KCNS3: variants seen among roughly 807,000 people sequenced by gnomAD.
The protein encoded by KCNS3 is delayed-rectifier potassium channel regulatory subunit KCNS3.
Under a neutral mutation model 31.0 loss-of-function variants are expected in KCNS3, and 13 were observed. The observed-to-expected ratio is 0.42, with a 90% CI of 0.27 to 0.67. The LOEUF is 0.67. Ranked by LOEUF, KCNS3 falls within the 30% of genes least tolerant of loss-of-function variation. KCNS3 has a pLI of 0.25. For synonymous variants in KCNS3, 238 were observed against 241.5 expected, an observed-to-expected ratio of 0.99 and a Z score of 0.13; for missense variants, 545 against 622.4, an observed-to-expected ratio of 0.88 and a Z score of 1.32.
intron 1 of KCNS3, among the ~76,000 whole-genome samples, chr2:17,895,122 A>G (rs772104621): frequency 6.6e-6 from 1 of 152,184 alleles, no homozygotes; most frequent in Non-Finnish European, 1.5e-5. Flanking sequence ...ATGTTTGTGA[A>G]GCATAAACAC....
At chr2:17,908,959 C>A (rs919369269) in intron 1 of KCNS3, among the ~76,000 whole-genome samples, 6 of 152,208 alleles carry the variant, frequency 3.9e-5, no homozygotes, top group Non-Finnish European at 8.8e-5. Context: ...AAACTCTGTA[C>A]TGGGAGAACC....
At chr2:17,923,989 C>T (rs115121136) in intron 2 of KCNS3, among the ~76,000 whole-genome samples, 2,327 of 151,936 alleles carry the variant, frequency 0.015, 40 homozygotes, top group Middle Eastern at 0.059. Context: ...TCTTTCAATC[C>T]GTGAACATTG....
At chr2:17,905,749 A>T (rs569025518) in intron 1 of KCNS3, among the ~76,000 whole-genome samples, 2 of 152,256 alleles carry the variant, frequency 1.3e-5, no homozygotes, top group East Asian at 1.9e-4. Context: ...TTCTGTTTAT[A>T]TGCTGGATTA....
chr2:17,905,445 C>A (rs917454221), intron 1 of KCNS3, among the ~76,000 whole-genome samples: 215 of 141,752 alleles, frequency 1.5e-3, no homozygotes, highest in African/African-American at 3.0e-3. Flanking sequence ...AATTGAATAC[C>A]CTTTATTTCT....
Position 17,931,586 on chromosome 2 carries a change from G to A in KCNS3, c.578G>A (p.Ser193Asn), listed in dbSNP as rs751345637. 6.2e-7 allele frequency: 1 copy of A among 1,614,176 alleles called. No homozygotes were observed. The change falls in exon 3 of 3, where the codon AGC becomes AAC. Residue 193 changes from serine (S) to asparagine (N), a missense_variant. Coordinates refer to ENST00000304101, the MANE Select transcript of KCNS3 (RefSeq NM_002252.5). The surrounding 1 kb of genome is among the most constrained non-coding windows in gnomAD (Gnocchi z 5.4). ...AAGCTTATCGCTATCTCCTCCTTGA[G>A]CGTGGTGCTGGCCTCCATCGTGGCC... Reference protein sequence around the residue: ...SAKLIAISSLSVVLASIVAMC... With the variant: ...SAKLIAISSLNVVLASIVAMC...
intron 1 of KCNS3, among the ~76,000 whole-genome samples, chr2:17,882,954 G>A (rs137957115): frequency 6.6e-6 from 1 of 152,262 alleles, no homozygotes; most frequent in Non-Finnish European, 1.5e-5. Context: ...AGGCTAGGTT[G>A]TGGTATTTTT....
At chr2:17,880,749 G>C (rs1674626204) in intron 1 of KCNS3, among the ~76,000 whole-genome samples, 1 of 152,220 alleles carries the variant, frequency 6.6e-6, no homozygotes, top group African/African-American at 2.4e-5. Context: ...TCTGGAGCTT[G>C]AGTTTGCCAG....
intron 2 of KCNS3, among the ~76,000 whole-genome samples, chr2:17,929,082 T>G (rs1662898002): frequency 6.6e-6 from 1 of 152,204 alleles, no homozygotes; most frequent in African/African-American, 2.4e-5. Flanking sequence ...GTCTACTTGT[T>G]GATTAAGACC....
chr2:17,913,838 G>T (rs1249001891), intron 1 of KCNS3, among the ~76,000 whole-genome samples: 1 of 152,002 alleles, frequency 6.6e-6, no homozygotes, highest in African/African-American at 2.4e-5. Context: ...GTGATGGGTG[G>T]GTGGTGTACA....
At chr2:17,902,926 C>T (rs912296239) in intron 1 of KCNS3, among the ~76,000 whole-genome samples, 2 of 152,148 alleles carry the variant, frequency 1.3e-5, no homozygotes, top group Non-Finnish European at 2.9e-5. Context: ...TTGATCCAGC[C>T]AATAACTTGT....
In KCNS3 at chr2:17,932,040, C is replaced by T. The variant is rs562414979; in HGVS notation, c.1032C>T (p.Ser344=). 115 of 1,614,156 alleles carry T rather than the reference C, an allele frequency of 7.1e-5. 1 individual carries two copies. The South Asian group carries it at 9.0e-4, about 13-fold the overall frequency. ...GISIFSVLIY[S]VEKDDHTSSL... Reference sequence around the variant, plus strand: ...CCATTTTCTCTGTGCTTATCTACTCCGTGGAGAAAGATGACCACACATCCA... The same window carrying T: ...CCATTTTCTCTGTGCTTATCTACTCTGTGGAGAAAGATGACCACACATCCA... The change falls in exon 3 of 3, where the codon TCC becomes TCT. Residue 344 remains serine (S), a synonymous_variant. Coordinates refer to ENST00000304101, the MANE Select transcript of KCNS3 (RefSeq NM_002252.5).
chr2:17,909,783 A>G (rs1419595057), intron 1 of KCNS3, among the ~76,000 whole-genome samples: 1 of 152,206 alleles, frequency 6.6e-6, no homozygotes, highest in Non-Finnish European at 1.5e-5. Context: ...ACTTGGCATG[A>G]TAAGCATTAG....
intron 1 of KCNS3, among the ~76,000 whole-genome samples, chr2:17,904,191 G>A (rs889296082): frequency 1.3e-5 from 2 of 152,218 alleles, no homozygotes; most frequent in Non-Finnish European, 2.9e-5. Context: ...GTTTTGATTT[G>A]TATTTCTCTG....
At chr2:17,898,347 A>C (rs1014543837) in intron 1 of KCNS3, among the ~76,000 whole-genome samples, 14 of 151,282 alleles carry the variant, frequency 9.3e-5, no homozygotes, top group African/African-American at 3.2e-4. Flanking sequence ...TAAAAATGAC[A>C]TTAATAGTTT....
intron 1 of KCNS3, among the ~76,000 whole-genome samples, chr2:17,889,124 C>T (rs1001254309): frequency 2.1e-4 from 32 of 151,964 alleles, no homozygotes; most frequent in African/African-American, 7.2e-4. Context: ...TTGTAGTTTT[C>T]CTTGTAGAAG....
rs1572479235 is a variant in KCNS3 at position 17,888,635 on chromosome 2, A to ATCTATC, written c.-252+9830_-252+9831insCTATCT. Among the ~76,000 whole-genome samples the ATCTATC allele has an allele frequency of 7.4e-4, 21 of 28,518 alleles. No homozygotes were observed. In the East Asian group the frequency reaches 7.9e-3, roughly 11 times the overall value. 18.7% of individuals were successfully genotyped at this position (28,518 alleles called of 152,430 possible). ...AAAGTATAATAAAAAAAATGTATATATATATATATATATATATATATATAT... is the reference window on the plus strand; with the variant it reads ...AAAGTATAATAAAAAAAATGTATATATCTATCTATATATATATATATATATATATAT... On this transcript the variant is annotated intron_variant, in intron 1 of 2. Coordinates refer to ENST00000304101, the MANE Select transcript of KCNS3 (RefSeq NM_002252.5).
intron 1 of KCNS3, among the ~76,000 whole-genome samples, chr2:17,879,748 C>T (rs1024216723): frequency 6.6e-6 from 1 of 152,172 alleles, no homozygotes; most frequent in Admixed American, 6.5e-5. Flanking sequence ...TGTCTCCCCC[C>T]GGTTTTGTCT....
In KCNS3 at chr2:17,931,097, A is replaced by G. The variant is rs138171852; in HGVS notation, c.89A>G (p.Gln30Arg). 1 of 1,614,080 alleles carries G rather than the reference A, an allele frequency of 6.2e-7. No homozygotes were observed. The highest frequency in any genetic ancestry group is 1.3e-5 in the African/African-American group (1 of 74,934). Residue 30 changes from glutamine (Q) to arginine (R), a missense_variant, in exon 3 of 3, where the codon CAA (glutamine) becomes CGA (arginine). Coordinates refer to ENST00000304101, the MANE Select transcript of KCNS3 (RefSeq NM_002252.5). The surrounding 1 kb of genome is among the most constrained non-coding windows in gnomAD (Gnocchi z 5.4). ...NVGGFKQSVD[Q>R]STLLRFPHTR... ...GGGGGCTTTAAGCAGTCTGTTGACC[A>G]AAGCACCCTCCTGCGGTTTCCTCAC... is the stretch of plus-strand genomic sequence containing the variant.
intron 1 of KCNS3, among the ~76,000 whole-genome samples, chr2:17,894,801 T>G (rs188586666): frequency 2.0e-5 from 3 of 152,204 alleles, no homozygotes; most frequent in Admixed American, 6.5e-5. Context: ...GCTGGGCTTG[T>G]TGGAGGGTGT....
Sources: gnomAD v4.1 joint callset for allele counts (sites outside exome capture counted in the v4.1 genomes callset) on GRCh38, gnomAD v4.1.1 for gene constraint, Gnocchi (gnomAD v3.1) non-coding constraint, MANE v1.5 for transcripts, NCBI Gene and HGNC (gene_info 2026-07-23, HGNC 2026-07-21) for gene names.